MGAM2: variants seen among roughly 807,000 people sequenced by gnomAD.
MGAM2 encodes probable maltase-glucoamylase 2.
A neutral mutation model predicts 96.1 loss-of-function variants in MGAM2; 98 were observed. The observed-to-expected ratio is 1.02, with a 90% CI of 0.87 to 1.21. The LOEUF (loss-of-function observed/expected upper bound fraction) is 1.21, where lower values mean the gene tolerates loss of function less well. Ranked by LOEUF, MGAM2 falls within the 50% of genes most tolerant of loss-of-function variation. MGAM2 has a pLI of 0.00. For synonymous variants in MGAM2, 749 were observed against 414.8 expected (o/e 1.81, Z -9.79); for missense variants, 2,055 against 1,182.4 (o/e 1.74, Z -10.82).
intron 28 of MGAM2, among the ~76,000 whole-genome samples, 192 bp downstream of exon 28, chr7:142,171,632 ATAT>A (rs1394746020): frequency 2.5e-5 from 2 of 80,458 alleles, no homozygotes; most frequent in African/African-American, 5.1e-5. Context: ...ATATATATAT[ATAT>A]ATATATATAT....
intron 1 of MGAM2, among the ~76,000 whole-genome samples, chr7:142,115,926 T>G (rs1290623660): frequency 2.0e-5 from 3 of 152,210 alleles, no homozygotes; most frequent in African/African-American, 7.2e-5. Context: ...CATATGGATT[T>G]ACAATTTCAA....
At chr7:142,181,408 T>A (rs1017362416) in intron 32 of MGAM2, among the ~76,000 whole-genome samples, 8 of 152,054 alleles carry the variant, frequency 5.3e-5, no homozygotes, top group African/African-American at 1.7e-4. Context: ...ATACAGTAGA[T>A]GGTGTTTAAG....
At chr7:142,129,182 G>A (rs1445204812) in intron 3 of MGAM2, among the ~76,000 whole-genome samples, 3 of 152,162 alleles carry the variant, frequency 2.0e-5, no homozygotes, top group Non-Finnish European at 4.4e-5. Flanking sequence ...GGGGCCTGTA[G>A]CCCCTTCATT....
At chr7:142,112,163 C>T (rs1313149895) in intron 1 of MGAM2, among the ~76,000 whole-genome samples, 1 of 151,794 alleles carries the variant, frequency 6.6e-6, no homozygotes, top group Non-Finnish European at 1.5e-5. Flanking sequence ...CTCAAGATGG[C>T]ATGGATTTGG....
At chr7:142,166,787 T>C (rs751093312) in intron 25 of MGAM2, among the ~76,000 whole-genome samples, 10 of 152,202 alleles carry the variant, frequency 6.6e-5, no homozygotes, top group Non-Finnish European at 1.5e-4. Flanking sequence ...GTTCATTTGC[T>C]AGGGTTACCA....
At chr7:142,154,704 G>A (rs773594258) in intron 16 of MGAM2, 25 bp from the exon 17 acceptor site, 151 of 702,680 alleles carry the variant, frequency 2.1e-4, no homozygotes, top group Non-Finnish European at 2.5e-4. Flanking sequence ...TGACCACAGT[G>A]CTTGTATGTG....
In MGAM2 at chr7:142,167,321, T is replaced by C. The variant is rs757155876; in HGVS notation, c.2862T>C (p.Tyr954=). ...PTCYYDTIPN[Y]VASDIQYLNT... is the part of the protein sequence containing the mutation. The stretch of plus-strand genomic sequence containing the variant: ...GTTACTATGACACCATCCCTAATTA[T>C]GTTGCTAGTGATATTCAGTACCTGA... The change falls in exon 26 of 48, where the codon TAT becomes TAC. Residue 954 remains tyrosine (Y), a synonymous_variant. Coordinates refer to ENST00000477922, the MANE Select transcript of MGAM2 (RefSeq NM_001293626.2). 4.3e-6 allele frequency: 3 copies of C among 702,734 alleles called. No homozygotes were observed. Among genetic ancestry groups the C allele is most frequent in the African/African-American group, 3.5e-5 (2 of 57,242 alleles). The allele number at this position is 702,734 out of a possible 1,614,324, so 43.5% of individuals were successfully genotyped here.
At position 142,220,416 on chromosome 7, in the gene MGAM2, A is replaced by G. The variant is rs952453773; in HGVS notation, c.5905A>G (p.Thr1969Ala). Residue 1969 changes from threonine to alanine, a missense_variant, in exon 48 of 48, where the codon ACT (threonine) becomes GCT (alanine). Coordinates refer to ENST00000477922, the MANE Select transcript of MGAM2 (RefSeq NM_001293626.2). The stretch of plus-strand genomic sequence containing the variant: ...AACTGCCCCTTTCCCAACAAATACT[A>G]CTACTGCTAGCACTAATGCTACTAT... ...DTTAPFPTNT[T>A]TASTNATIPI... is the part of the protein sequence containing the mutation. The G allele has an allele frequency of 4.3e-6, 3 of 702,574 alleles. No individual in the cohort carries two copies. The South Asian group carries it at 4.4e-5, about 10-fold the overall frequency. The allele number at this position is 702,574 out of a possible 1,614,324, so 43.5% of individuals were successfully genotyped here.
chr7:142,155,178 G>T (rs1451220625), intron 17 of MGAM2, among the ~76,000 whole-genome samples: 5 of 152,182 alleles, frequency 3.3e-5, no homozygotes, highest in Non-Finnish European at 7.4e-5. Context: ...GTTAATACAA[G>T]GGAAATCCCT....
At chr7:142,212,951 A>T (rs1204016686) in intron 46 of MGAM2, among the ~76,000 whole-genome samples, 2 of 152,180 alleles carry the variant, frequency 1.3e-5, no homozygotes, top group African/African-American at 4.8e-5. Context: ...GCTCCTCAGA[A>T]AATGAAAAAG....
intron 45 of MGAM2, among the ~76,000 whole-genome samples, chr7:142,200,335 A>G (rs1361563273): frequency 6.6e-6 from 1 of 152,204 alleles, no homozygotes; most frequent in Non-Finnish European, 1.5e-5. Flanking sequence ...TCAGCCATCT[A>G]TACCAGGCAC....
chr7:142,153,280 G>A (rs549314950), intron 15 of MGAM2, among the ~76,000 whole-genome samples: 14 of 152,302 alleles, frequency 9.2e-5, no homozygotes, highest in South Asian at 6.2e-4. Context: ...GATTATAGGC[G>A]TGAGCCACCG....
At chr7:142,130,223 C>A (rs1267881217) in intron 3 of MGAM2, among the ~76,000 whole-genome samples, 2 of 152,086 alleles carry the variant, frequency 1.3e-5, no homozygotes, top group Non-Finnish European at 2.9e-5. Flanking sequence ...TTCTATGTTA[C>A]CCTCTGTCCT....
At chr7:142,124,270 C>T (rs1274101866) in intron 3 of MGAM2, among the ~76,000 whole-genome samples, 1 of 152,092 alleles carries the variant, frequency 6.6e-6, no homozygotes, top group Non-Finnish European at 1.5e-5. Context: ...CCACACCTGG[C>T]CCAGAAACGT....
At chr7:142,205,238 G>C (rs1213963724) in intron 45 of MGAM2, among the ~76,000 whole-genome samples, 1 of 151,910 alleles carries the variant, frequency 6.6e-6, no homozygotes, top group Non-Finnish European at 1.5e-5. Flanking sequence ...CCACTTTTTG[G>C]CTATTATAAA....
At chr7:142,149,710 G>T (rs1296767221) in intron 15 of MGAM2, among the ~76,000 whole-genome samples, 8 of 149,454 alleles carry the variant, frequency 5.4e-5, no homozygotes, top group African/African-American at 1.5e-4. Flanking sequence ...CCGGCTAATT[G>T]TTTGTATTTT....
Position 142,198,659 on chromosome 7 carries a change from T to C in MGAM2, c.4968T>C (p.Ala1656=), listed in dbSNP as rs1191585516. 8.5e-6 allele frequency: 6 copies of C among 703,484 alleles called. No homozygotes were observed. In the East Asian group the frequency reaches 1.6e-4, roughly 19 times the overall value. The allele number at this position is 703,484 out of a possible 1,614,324, so 43.6% of individuals were successfully genotyped here. Residue 1656 remains alanine, a synonymous_variant, in exon 44 of 48, where the codon GCT becomes GCC. Coordinates refer to ENST00000477922, the MANE Select transcript of MGAM2 (RefSeq NM_001293626.2). Reference sequence around the variant, plus strand: ...CAGGTCAGAGGAAAATCCTGAAGGCTCCCCTTGACCACATCAACCTTCATG... The same window carrying C: ...CAGGTCAGAGGAAAATCCTGAAGGCCCCCCTTGACCACATCAACCTTCATG... ...TSTGQRKILK[A]PLDHINLHVR...
chr7:142,146,296 G>A (rs1795384621), intron 14 of MGAM2, among the ~76,000 whole-genome samples: 1 of 151,560 alleles, frequency 6.6e-6, no homozygotes, highest in Non-Finnish European at 1.5e-5. Context: ...TAGCCAGGCA[G>A]CCCCTCCCCT....
intron 47 of MGAM2, 95 bp from the exon 48 acceptor site, chr7:142,219,775 C>A: frequency 1.6e-6 from 1 of 610,410 alleles, no homozygotes; most frequent in African/African-American, 1.8e-5. Context: ...GGAATGAATC[C>A]ATCATTTTTT....
Sources: allele counts gnomAD v4.1 joint callset (sites outside exome capture counted in the v4.1 genomes callset), GRCh38; gene constraint gnomAD v4.1.1; transcripts MANE v1.5; gene names NCBI Gene and HGNC (gene_info 2026-07-23, HGNC 2026-07-21).